EXOC6: variants seen among roughly 807,000 people sequenced by gnomAD.
The protein encoded by EXOC6 is SEC15-like 1.
A neutral mutation model predicts 112.5 loss-of-function variants in EXOC6; 60 were observed. That is an observed-to-expected ratio of 0.53 (90% confidence interval 0.43 to 0.66). The LOEUF is 0.66. Ranked by LOEUF, EXOC6 falls within the 30% of genes least tolerant of loss-of-function variation. EXOC6 has a pLI of 0.00. For synonymous variants in EXOC6, 295 were observed against 308.0 expected, an observed-to-expected ratio of 0.96 and a Z score of 0.44; for missense variants, 855 against 957.1, an observed-to-expected ratio of 0.89 and a Z score of 1.41.
chr10:93,040,176 A>G (rs1193905846), intron 20 of EXOC6, among the ~76,000 whole-genome samples: 2 of 152,082 alleles, frequency 1.3e-5, no homozygotes, highest in Non-Finnish European at 2.9e-5. Context: ...TCATCTTCCT[A>G]TGCCCTTGAC....
At chr10:92,899,516 C>A in intron 4 of EXOC6, 83 bp from the exon 5 acceptor site, 1 of 952,694 alleles carries the variant, frequency 1.0e-6, no homozygotes, top group Non-Finnish European at 1.6e-6. Context: ...TTGTAATATA[C>A]TCTTTCCTGC....
At chr10:92,905,433 A>G (rs180898319) in intron 5 of EXOC6, among the ~76,000 whole-genome samples, 32 of 152,180 alleles carry the variant, frequency 2.1e-4, no homozygotes, top group African/African-American at 6.0e-4. Context: ...CTTTCCATTT[A>G]TATAGATTTT....
intron 7 of EXOC6, among the ~76,000 whole-genome samples, chr10:92,918,844 G>A (rs1412677378): frequency 6.6e-6 from 1 of 151,906 alleles, no homozygotes. Context: ...ATATGTGTAT[G>A]TGTGTATATA....
intron 18 of EXOC6, among the ~76,000 whole-genome samples, chr10:92,975,950 C>G (rs1168996513): frequency 7.3e-6 from 1 of 136,964 alleles, no homozygotes; most frequent in Admixed American, 7.0e-5. Context: ...GGCCAGCCGC[C>G]CCGTCCGGTA....
At chr10:93,046,204 C>T (rs567380277) in intron 20 of EXOC6, among the ~76,000 whole-genome samples, 1 of 152,264 alleles carries the variant, frequency 6.6e-6, no homozygotes, top group South Asian at 2.1e-4. Context: ...AAGTCACTAG[C>T]TTTGAGGCAC....
At position 93,058,491 on chromosome 10, in the gene EXOC6, GAAATAGTAAT is replaced by G; in HGVS notation, c.*142_*151del. The G allele has an allele frequency of 1.9e-6, 1 of 533,640 alleles. No homozygotes were observed. 33.1% of individuals were successfully genotyped at this position (533,640 alleles called of 1,614,324 possible). A position where few individuals can be genotyped will look rare whatever the true frequency, so the allele number is the denominator to read the frequency against. On this transcript the variant is annotated 3_prime_UTR_variant, in exon 22 of 22. Transcript: ENST00000260762. ...AGAAGATACATGAGGGCTTAAACAA[GAAATAGTAAT>G]AAATATCATTTGTATGGATTTTTAA...
chr10:92,963,126 G>A (rs1854108577), intron 17 of EXOC6, among the ~76,000 whole-genome samples: 1 of 152,062 alleles, frequency 6.6e-6, no homozygotes, highest in South Asian at 2.1e-4. Context: ...CCCAGAAGAT[G>A]GAATATAAAA....
chr10:92,970,762 A>G (rs1273836283), intron 17 of EXOC6, among the ~76,000 whole-genome samples: 1 of 152,220 alleles, frequency 6.6e-6, no homozygotes, highest in Non-Finnish European at 1.5e-5. Flanking sequence ...TTCTAATCCT[A>G]CTGTGAAGCC....
At chr10:92,909,717 A>C (rs1184440603) in intron 6 of EXOC6, 86 bp downstream of exon 6, 1 of 783,628 alleles carries the variant, frequency 1.3e-6, no homozygotes, top group African/African-American at 1.8e-5. Flanking sequence ...TAACTTACAT[A>C]AAATGCTTAT....
At chr10:92,896,816 A>G (rs761683345) in intron 4 of EXOC6, among the ~76,000 whole-genome samples, 1 of 152,082 alleles carries the variant, frequency 6.6e-6, no homozygotes, top group Non-Finnish European at 1.5e-5. Context: ...CCAGCTTCCT[A>G]AAGTGCTGGG....
At chr10:92,866,145 TTCTC>T (rs1848163977) in intron 1 of EXOC6, among the ~76,000 whole-genome samples, 1 of 152,206 alleles carries the variant, frequency 6.6e-6, no homozygotes, top group African/African-American at 2.4e-5. Flanking sequence ...TGTATTATAT[TTCTC>T]TCTTACTATT....
chr10:92,971,396 A>G (rs940418180), intron 17 of EXOC6, among the ~76,000 whole-genome samples: 1 of 144,772 alleles, frequency 6.9e-6, no homozygotes, highest in Non-Finnish European at 1.5e-5. Context: ...CTTTTTTTAG[A>G]TGGAGTATCA....
chr10:92,842,834 T>G (rs1224082024), intron 1 of EXOC6, among the ~76,000 whole-genome samples: 1 of 152,138 alleles, frequency 6.6e-6, no homozygotes, highest in Non-Finnish European at 1.5e-5. Flanking sequence ...GACATTTTTC[T>G]GAGGGCAGGG....
Position 92,895,131 on chromosome 10 carries a change from C to T in EXOC6, c.412+111C>T, listed in dbSNP as rs1564808680. ...ATTACAGATTATTTGGTGATTGCCT[C>T]ACAACAAAGACCATGCTTATCTTTC... On this transcript the variant is annotated intron_variant, in intron 4 of 21. Transcript: ENST00000260762. The T allele has an allele frequency of 5.7e-6, 4 of 705,034 alleles. No individual in the cohort carries two copies. In the South Asian group the frequency reaches 6.7e-5, roughly 12 times the overall value. The allele number at this position is 705,034 out of a possible 1,614,324, so 43.7% of individuals were successfully genotyped here.
chr10:92,851,536 G>C (rs1847333304), intron 1 of EXOC6, among the ~76,000 whole-genome samples: 1 of 152,080 alleles, frequency 6.6e-6, no homozygotes, highest in Non-Finnish European at 1.5e-5. Context: ...TGTAATCCCA[G>C]CTGCTCGAGA....
chr10:92,960,458 T>C (rs1420687515), intron 17 of EXOC6, among the ~76,000 whole-genome samples: 2 of 152,122 alleles, frequency 1.3e-5, no homozygotes, highest in African/African-American at 2.4e-5. Flanking sequence ...ACCCATAGAA[T>C]GTAAAACACT....
chr10:92,987,544 C>A, intron 18 of EXOC6: 2 of 739,124 alleles, frequency 2.7e-6, no homozygotes, highest in Non-Finnish European at 3.3e-6. Context: ...CTACTTTAAA[C>A]ACTGATTCTG....
intron 18 of EXOC6, among the ~76,000 whole-genome samples, chr10:92,987,379 TGGA>T (rs968691100): frequency 2.0e-5 from 3 of 152,178 alleles, no homozygotes; most frequent in African/African-American, 7.2e-5. Flanking sequence ...GACAAAAGTT[TGGA>T]GGAGGATTTG....
chr10:93,014,558 GA>G (rs1844413823), intron 20 of EXOC6, among the ~76,000 whole-genome samples: 3 of 152,072 alleles, frequency 2.0e-5, no homozygotes, highest in Admixed American at 1.3e-4. Context: ...AATGACACTT[GA>G]TGTTCAAATT....
Sources: gnomAD v4.1 joint callset for allele counts (sites outside exome capture counted in the v4.1 genomes callset) on GRCh38, gnomAD v4.1.1 for gene constraint, MANE v1.5 for transcripts, NCBI Gene and HGNC (gene_info 2026-07-23, HGNC 2026-07-21) for gene names.